NECTIN3: variants seen among roughly 807,000 people sequenced by gnomAD.
The protein encoded by NECTIN3 is nectin cell adhesion molecule 3, also known as nectin-3.
In NECTIN3, 8 loss-of-function variants were observed where a neutral mutation model predicts 49.4. The ratio of observed to expected loss-of-function variants is 0.16; its 90% CI spans 0.10 to 0.29. The LOEUF (loss-of-function observed/expected upper bound fraction) is 0.29. NECTIN3 is among the 10% of genes least tolerant of loss of function. The pLI is 1.00. For missense variants in NECTIN3, 581 were observed against 654.6 expected (o/e 0.89, Z 1.23); for synonymous variants, 277 against 241.1 (o/e 1.15, Z -1.38).
chr3:111,190,183 C>T (rs147881558), upstream of NECTIN3, among the ~76,000 whole-genome samples: 1 of 152,164 alleles, frequency 6.6e-6, no homozygotes, highest in Non-Finnish European at 1.5e-5. Context: ...GCCATACATC[C>T]GTGACTGCCC....
chr3:111,072,599 C>T, intron 1 of NECTIN3: 1 of 1,530,526 alleles, frequency 6.5e-7, no homozygotes, highest in South Asian at 1.2e-5. Flanking sequence ...GACCGGAGCC[C>T]GATGGAATGA....
chr3:111,096,061 A>G (rs1171009897), intron 1 of NECTIN3, among the ~76,000 whole-genome samples: 2 of 152,206 alleles, frequency 1.3e-5, no homozygotes, highest in Non-Finnish European at 2.9e-5. Flanking sequence ...AGACAGAAAA[A>G]TGTGGGAAAG....
At chr3:111,099,423 C>G (rs527371722) in intron 1 of NECTIN3, among the ~76,000 whole-genome samples, 6 of 152,130 alleles carry the variant, frequency 3.9e-5, no homozygotes, top group Non-Finnish European at 5.9e-5. Flanking sequence ...TACGTGGTCA[C>G]TGTAGCCATA....
intron 7 of NECTIN3, among the ~76,000 whole-genome samples, chr3:111,182,513 A>G (rs965274359): frequency 3.9e-5 from 6 of 152,120 alleles, no homozygotes; most frequent in African/African-American, 1.2e-4. Context: ...CTTATTGGAT[A>G]TGTACACATG....
intron 1 of NECTIN3, among the ~76,000 whole-genome samples, chr3:111,109,967 T>C (rs1040302100): frequency 7.9e-5 from 12 of 152,064 alleles, no homozygotes; most frequent in African/African-American, 2.9e-4. Flanking sequence ...GTGTTTTAAA[T>C]ATTAATGTTT....
intron 7 of NECTIN3, among the ~76,000 whole-genome samples, chr3:111,159,343 T>G (rs551842913): frequency 6.6e-6 from 1 of 152,230 alleles, no homozygotes; most frequent in Non-Finnish European, 1.5e-5. Context: ...ATGAATATGG[T>G]TTTTGGCTCA....
chr3:111,104,409 C>T (rs1426742182), intron 1 of NECTIN3, among the ~76,000 whole-genome samples: 1 of 150,072 alleles, frequency 6.7e-6, no homozygotes, highest in Non-Finnish European at 1.5e-5. Flanking sequence ...CAGCCTTGAC[C>T]TTCTAGGCTC....
rs1363587331 is a variant in NECTIN3 at position 111,135,132 on chromosome 3, A to G, written c.*917A>G. 1.2e-5 allele frequency: 12 copies of G among 981,308 alleles called. No homozygotes were observed. The highest frequency in any genetic ancestry group is 1.5e-5 in the Non-Finnish European group (12 of 826,380). 60.8% of individuals were successfully genotyped at this position (981,308 alleles called of 1,614,324 possible). The stretch of plus-strand genomic sequence containing the variant: ...GTTTTAGAAATGAGACTTTCAGCCA[A>G]CAATCTATAGAAAGAATTTTATGGA... On this transcript the variant is annotated 3_prime_UTR_variant, in exon 6 of 6. Transcript: ENST00000485303.
At chr3:111,171,571 T>C (rs577660943) in intron 7 of NECTIN3, among the ~76,000 whole-genome samples, 37 of 152,296 alleles carry the variant, frequency 2.4e-4, no homozygotes, top group Non-Finnish European at 4.7e-4. Flanking sequence ...TGCAATTTAA[T>C]ATACCATCAT....
chr3:111,174,903 G>T (rs1426323591), intron 7 of NECTIN3, among the ~76,000 whole-genome samples: 1 of 152,126 alleles, frequency 6.6e-6, no homozygotes, highest in East Asian at 1.9e-4. Flanking sequence ...TCTGTATCCT[G>T]AGCTCTTGTC....
At chr3:111,164,248 A>T (rs971750048) in intron 7 of NECTIN3, among the ~76,000 whole-genome samples, 1 of 152,186 alleles carries the variant, frequency 6.6e-6, no homozygotes, top group Non-Finnish European at 1.5e-5. Flanking sequence ...TATCATTTAT[A>T]TCAAATTTAA....
intron 1 of NECTIN3, among the ~76,000 whole-genome samples, chr3:111,109,110 T>A (rs2033345595): frequency 6.6e-6 from 1 of 152,154 alleles, no homozygotes; most frequent in Non-Finnish European, 1.5e-5. Context: ...CACTGTTTCC[T>A]CACATGGCCT....
Position 111,115,480 on chromosome 3 carries a change from A to C in NECTIN3, c.502+3109A>C, listed in dbSNP as rs191211988. The stretch of plus-strand genomic sequence containing the variant: ...TTCTTGGACCAGCAGCATTGGCATC[A>C]CTTGGGAACTTGTTAGAAATACAGA... On this transcript the variant is annotated intron_variant, in intron 2 of 5. Coordinates refer to ENST00000485303, the MANE Select transcript of NECTIN3 (RefSeq NM_015480.3). Among the ~76,000 whole-genome samples the C allele has an allele frequency of 1.9e-3, 294 of 152,332 alleles. 6 individuals are homozygous for C. Among genetic ancestry groups the C allele is most frequent in the Admixed American group, 0.017 (257 of 15,302 alleles).
intron 1 of NECTIN3, among the ~76,000 whole-genome samples, chr3:111,084,644 A>G (rs538642081): frequency 6.6e-6 from 1 of 152,302 alleles, no homozygotes; most frequent in South Asian, 2.1e-4. Flanking sequence ...TAAAGATATT[A>G]TTGAGGCCTA....
chr3:111,151,489 A>G (rs1379803461), intron 7 of NECTIN3, among the ~76,000 whole-genome samples: 1 of 151,956 alleles, frequency 6.6e-6, no homozygotes, highest in Non-Finnish European at 1.5e-5. Flanking sequence ...AAATGTTAGC[A>G]GTTATCTTTG....
intron 2 of NECTIN3, among the ~76,000 whole-genome samples, chr3:111,118,322 C>G (rs1383426425): frequency 7.9e-6 from 1 of 126,060 alleles, no homozygotes; most frequent in Non-Finnish European, 1.6e-5. Context: ...GAAGTAATAC[C>G]TTTAATCTCA....
At chr3:111,083,705 G>GT (rs1309961948) in intron 1 of NECTIN3, among the ~76,000 whole-genome samples, 2 of 152,188 alleles carry the variant, frequency 1.3e-5, no homozygotes, top group African/African-American at 4.8e-5. Flanking sequence ...TTAAAAGACA[G>GT]TTTTTTGAAA....
At chr3:111,129,291 C>T (rs948018340) in intron 5 of NECTIN3, among the ~76,000 whole-genome samples, 3 of 152,056 alleles carry the variant, frequency 2.0e-5, no homozygotes, top group African/African-American at 7.2e-5. Context: ...TTCTTTTTCT[C>T]TTTAGCACGT....
rs541100995 is a variant in NECTIN3 at position 111,145,071 on chromosome 3, A to G, written c.1139+34A>G. 4.1e-5 allele frequency: 62 copies of G among 1,514,304 alleles called. No individual in the cohort carries two copies. The South Asian group carries it at 7.3e-4, about 18-fold the overall frequency. The allele number at this position is 1,514,304 out of a possible 1,614,324, so 93.8% of individuals were successfully genotyped here. ...CTTTTTTGCCTTTGTTCAACTATGA[A>G]TATCAGTATGTGTCCAATCTTTATG... On this transcript the variant is annotated intron_variant, in intron 6 of 8. Transcript: ENST00000493615.
Sources: gnomAD v4.1 joint callset for allele counts (sites outside exome capture counted in the v4.1 genomes callset) on GRCh38, gnomAD v4.1.1 for gene constraint, MANE v1.5 for transcripts, NCBI Gene and HGNC (gene_info 2026-07-23, HGNC 2026-07-21) for gene names.